Variants in DENND1A observed in about 807,000 individuals in gnomAD.
DENND1A encodes the protein DENN domain-containing protein 1A.
Under a neutral mutation model 113.7 loss-of-function variants are expected in DENND1A, and 51 were observed. The observed-to-expected ratio is 0.45, with a 90% CI of 0.36 to 0.57. DENND1A has a LOEUF of 0.57. Among genes scored for constraint, DENND1A ranks in the 20% least tolerant of loss-of-function variants. DENND1A has a pLI of 0.00. For missense variants in DENND1A, 1,258 were observed against 1,395.9 expected (o/e 0.90, Z 1.57); for synonymous variants, 565 against 570.8 (o/e 0.99, Z 0.14).
At chr9:123,500,187 G>C (rs1361883029) in intron 13 of DENND1A, among the ~76,000 whole-genome samples, 1 of 152,128 alleles carries the variant, frequency 6.6e-6, no homozygotes, top group African/African-American at 2.4e-5. Flanking sequence ...TCCATCGTTT[G>C]AACTATTTTA....
chr9:123,385,818 G>A (rs1019771638), intron 22 of DENND1A, among the ~76,000 whole-genome samples: 13 of 152,314 alleles, frequency 8.5e-5, no homozygotes, highest in African/African-American at 2.4e-4. Context: ...GGCTTCAAAC[G>A]TCCCTCACTC....
chr9:123,514,096 G>GTGTGTGTGTA (rs1273715438), intron 13 of DENND1A, among the ~76,000 whole-genome samples: 21 of 48,506 alleles, frequency 4.3e-4, no homozygotes, highest in African/African-American at 1.1e-3. Flanking sequence ...GTGTGTGTGT[G>GTGTGTGTGTA]TATGTGTGTG....
intron 3 of DENND1A, among the ~76,000 whole-genome samples, chr9:123,773,439 T>C (rs1288835955): frequency 1.3e-5 from 2 of 152,202 alleles, no homozygotes; most frequent in East Asian, 3.8e-4. Context: ...GAAATTAGAT[T>C]ACATTCTGTT....
intron 5 of DENND1A, among the ~76,000 whole-genome samples, chr9:123,721,622 A>T (rs995928181): frequency 2.0e-5 from 3 of 152,172 alleles, no homozygotes; most frequent in African/African-American, 4.8e-5. Context: ...TGATCAAATC[A>T]TGGGGGCAGG....
intron 5 of DENND1A, among the ~76,000 whole-genome samples, chr9:123,748,472 C>A (rs1245335721): frequency 2.0e-5 from 3 of 152,046 alleles, no homozygotes; most frequent in African/African-American, 7.2e-5. Flanking sequence ...AAAGAAGTAC[C>A]TATTATTGCA....
chr9:123,547,117 C>G (rs1045273671), intron 13 of DENND1A, among the ~76,000 whole-genome samples: 9 of 152,222 alleles, frequency 5.9e-5, no homozygotes, highest in Admixed American at 5.2e-4. Flanking sequence ...ATCAGTGTCC[C>G]TGTGACGTGG....
At chr9:123,667,232 T>C (rs1264670535) in intron 7 of DENND1A, among the ~76,000 whole-genome samples, 153 bp from the exon 8 acceptor site, 1 of 152,242 alleles carries the variant, frequency 6.6e-6, no homozygotes, top group East Asian at 1.9e-4. Context: ...TTTCTTTGGA[T>C]AATGTCAGAT....
chr9:123,890,563 T>A (rs1324558964), intron 1 of DENND1A, among the ~76,000 whole-genome samples: 1 of 152,196 alleles, frequency 6.6e-6, no homozygotes, highest in Non-Finnish European at 1.5e-5. Context: ...CACTTCTAAA[T>A]CTTGTTAATA....
chr9:123,493,609 T>C (rs186204004), intron 13 of DENND1A, among the ~76,000 whole-genome samples: 29 of 152,312 alleles, frequency 1.9e-4, no homozygotes, highest in African/African-American at 6.0e-4. Context: ...CCCTGCCCTA[T>C]GCTCTTCCAT....
At chr9:123,560,217 C>A (rs990867008) in intron 12 of DENND1A, among the ~76,000 whole-genome samples, 9 of 152,158 alleles carry the variant, frequency 5.9e-5, no homozygotes, top group African/African-American at 2.2e-4. Context: ...AAGCAAAAAT[C>A]CTCTGCCAGA....
At chr9:123,583,417 C>T (rs560203245) in intron 11 of DENND1A, 147 bp from the exon 12 acceptor site, 3 of 563,658 alleles carry the variant, frequency 5.3e-6, no homozygotes, top group East Asian at 5.9e-5. Flanking sequence ...GTAGGAGGTT[C>T]ACATTTGTTA....
At chr9:123,496,769 G>A (rs866485898) in intron 13 of DENND1A, among the ~76,000 whole-genome samples, 4 of 152,244 alleles carry the variant, frequency 2.6e-5, no homozygotes, top group African/African-American at 9.6e-5. Flanking sequence ...TTGGGACACC[G>A]TTATTGATGC....
intron 5 of DENND1A, among the ~76,000 whole-genome samples, chr9:123,677,815 C>T (rs1397614078): frequency 1.3e-5 from 2 of 152,232 alleles, no homozygotes; most frequent in African/African-American, 4.8e-5. Flanking sequence ...ACTCCAGGAT[C>T]CAGTCCACAT....
intron 1 of DENND1A, among the ~76,000 whole-genome samples, chr9:123,916,766 A>C (rs1165343359): frequency 6.6e-6 from 1 of 152,198 alleles, no homozygotes; most frequent in Non-Finnish European, 1.5e-5. Flanking sequence ...CAGGGATAGA[A>C]GTTAGACTTA....
At chr9:123,493,736 A>G (rs1265331891) in intron 13 of DENND1A, among the ~76,000 whole-genome samples, 1 of 152,252 alleles carries the variant, frequency 6.6e-6, no homozygotes, top group Non-Finnish European at 1.5e-5. Context: ...TAGCCCGAGA[A>G]GCCCAGCTGC....
intron 21 of DENND1A, among the ~76,000 whole-genome samples, chr9:123,392,108 C>A (rs188667668): frequency 1.3e-5 from 2 of 152,120 alleles, no homozygotes; most frequent in African/African-American, 4.8e-5. Flanking sequence ...TGGTGACAGG[C>A]GAGGCTGTTC....
chr9:123,682,250 T>A (rs972638306), intron 5 of DENND1A, among the ~76,000 whole-genome samples: 1 of 152,110 alleles, frequency 6.6e-6, no homozygotes. Context: ...GCAATAAAAT[T>A]TTAGGATGTA....
intron 11 of DENND1A, among the ~76,000 whole-genome samples, chr9:123,594,827 A>C (rs1439837399): frequency 6.6e-6 from 1 of 152,224 alleles, no homozygotes; most frequent in Non-Finnish European, 1.5e-5. Context: ...TGAGTACATA[A>C]CAAAGAACAG....
At chr9:123,394,735 C>T (rs1208035595) in intron 21 of DENND1A, among the ~76,000 whole-genome samples, 1 of 152,220 alleles carries the variant, frequency 6.6e-6, no homozygotes, top group Non-Finnish European at 1.5e-5. Context: ...AGGATGTGGG[C>T]TTCAGGCTCT....
Sources: gnomAD v4.1 joint callset for allele counts (sites outside exome capture counted in the v4.1 genomes callset) on GRCh38, gnomAD v4.1.1 for gene constraint, MANE v1.5 for transcripts, NCBI Gene and HGNC (gene_info 2026-07-23, HGNC 2026-07-21) for gene names.